GRIN2A: variants seen among roughly 807,000 people sequenced by gnomAD.
The protein encoded by GRIN2A is glutamate ionotropic receptor NMDA type subunit 2A.
Under a neutral mutation model 113.4 loss-of-function variants are expected in GRIN2A, and 22 were observed. The observed-to-expected ratio is 0.19, with a 90% CI of 0.14 to 0.28. The LOEUF (loss-of-function observed/expected upper bound fraction) is 0.28. GRIN2A is among the 10% of genes least tolerant of loss of function. The probability of loss-of-function intolerance (pLI) is 1.00; values close to 1 mark genes in which losing one functional copy is unlikely to be tolerated. For missense variants in GRIN2A, 1,502 were observed against 1,887.0 expected (o/e 0.80, Z 3.78); for synonymous variants, 827 against 738.4 (o/e 1.12, Z -1.94).
intron 2 of GRIN2A, chr16:10,111,790 C>A (rs2048619875): frequency 7.0e-7 from 1 of 1,434,848 alleles, no homozygotes. Flanking sequence ...CAAGATCCGG[C>A]ATGGCTTCTC....
At chr16:10,080,711 C>T (rs535093144) in intron 2 of GRIN2A, among the ~76,000 whole-genome samples, 44 of 152,302 alleles carry the variant, frequency 2.9e-4, no homozygotes, top group African/African-American at 9.9e-4. Context: ...ATATCACCCT[C>T]ACCTTGTATT....
At position 9,761,763 on chromosome 16, in the gene GRIN2A, G is replaced by GGA. The variant is rs1900593207; in HGVS notation, c.*1384_*1385dup. 1 of 212,746 alleles carries GGA rather than the reference G, an allele frequency of 4.7e-6. No homozygotes were observed. Among genetic ancestry groups the GGA allele is most frequent in the Non-Finnish European group, 9.5e-6 (1 of 105,258 alleles). 13.2% of individuals were successfully genotyped at this position (212,746 alleles called of 1,614,324 possible). ...TCATGTCATATATGCACAGGTTTGA[G>GGA]GAGAATAAGAATGGGATAATGCAGG... On this transcript the variant is annotated 3_prime_UTR_variant, in exon 13 of 13. Transcript: ENST00000330684.
At chr16:10,112,069 G>A (rs557869784) in intron 2 of GRIN2A, 7 of 611,426 alleles carry the variant, frequency 1.1e-5, no homozygotes, top group African/African-American at 5.5e-5. Context: ...AAGAAGAATC[G>A]AGACTACATT....
chr16:9,879,842 G>C (rs2043442186), intron 4 of GRIN2A, among the ~76,000 whole-genome samples: 1 of 152,188 alleles, frequency 6.6e-6, no homozygotes, highest in Non-Finnish European at 1.5e-5. Flanking sequence ...AAATGTGAGT[G>C]ATGATTATTT....
At chr16:9,911,914 G>A (rs2044147545) in intron 3 of GRIN2A, among the ~76,000 whole-genome samples, 1 of 152,162 alleles carries the variant, frequency 6.6e-6, no homozygotes, top group Non-Finnish European at 1.5e-5. Flanking sequence ...AGGCATTAAG[G>A]TATTGTGCTT....
At chr16:10,116,776 C>A (rs1395600184) in intron 2 of GRIN2A, among the ~76,000 whole-genome samples, 1 of 152,134 alleles carries the variant, frequency 6.6e-6, no homozygotes, top group Non-Finnish European at 1.5e-5. Context: ...CCCTGAGCAG[C>A]AAAGAAGCCA....
intron 2 of GRIN2A, among the ~76,000 whole-genome samples, chr16:10,098,610 T>C (rs60016073): frequency 0.19 from 28,920 of 152,094 alleles, 3,162 homozygotes; most frequent in African/African-American, 0.3. Flanking sequence ...ATATACACGA[T>C]GGAATAAAAC....
At chr16:9,981,985 G>A (rs1291385971) in intron 2 of GRIN2A, among the ~76,000 whole-genome samples, 4 of 151,862 alleles carry the variant, frequency 2.6e-5, no homozygotes, top group African/African-American at 7.3e-5. Flanking sequence ...CGGGGGTTTC[G>A]CCATGTTGTC....
At chr16:10,178,405 C>T (rs747524505) in intron 2 of GRIN2A, among the ~76,000 whole-genome samples, 11 of 152,206 alleles carry the variant, frequency 7.2e-5, no homozygotes, top group Non-Finnish European at 1.0e-4. Context: ...CTACATCAGC[C>T]ACTATGTGGT....
At chr16:9,937,051 T>C (rs1229332381) in intron 3 of GRIN2A, among the ~76,000 whole-genome samples, 1 of 151,944 alleles carries the variant, frequency 6.6e-6, no homozygotes, top group African/African-American at 2.4e-5. Flanking sequence ...TTATCACAGC[T>C]GTTTAGCTTC....
intron 3 of GRIN2A, among the ~76,000 whole-genome samples, chr16:9,929,723 A>T (rs1048969160): frequency 6.6e-6 from 1 of 152,202 alleles, no homozygotes; most frequent in African/African-American, 2.4e-5. Flanking sequence ...ACATGTCACC[A>T]AATTACTAAA....
intron 2 of GRIN2A, among the ~76,000 whole-genome samples, chr16:10,069,186 C>T (rs1487606551): frequency 2.6e-5 from 4 of 152,048 alleles, no homozygotes; most frequent in African/African-American, 9.7e-5. Flanking sequence ...GCAGGGAGAC[C>T]AGTGGAGGCT....
intron 2 of GRIN2A, among the ~76,000 whole-genome samples, chr16:10,081,308 C>T (rs1037547521): frequency 2.6e-5 from 4 of 152,200 alleles, no homozygotes; most frequent in Non-Finnish European, 5.9e-5. Context: ...TTCTCAAACT[C>T]TGCCTGGAGA....
chr16:9,989,364 T>C (rs937321171), intron 2 of GRIN2A, among the ~76,000 whole-genome samples: 2 of 152,142 alleles, frequency 1.3e-5, no homozygotes, highest in African/African-American at 4.8e-5. Flanking sequence ...TGGACCCCTA[T>C]CTTTTACTAT....
At chr16:9,882,461 G>C (rs531717772) in intron 4 of GRIN2A, among the ~76,000 whole-genome samples, 2 of 152,210 alleles carry the variant, frequency 1.3e-5, no homozygotes, top group East Asian at 3.9e-4. Flanking sequence ...CCCTTAATGA[G>C]ACAAATTGGA....
chr16:10,065,124 C>T (rs555026459), intron 2 of GRIN2A, among the ~76,000 whole-genome samples: 4 of 152,184 alleles, frequency 2.6e-5, no homozygotes, highest in Non-Finnish European at 4.4e-5. Flanking sequence ...ATCTCTGATG[C>T]AATTGGGCAT....
At position 9,950,893 on chromosome 16, in the gene GRIN2A, G is replaced by A. The variant is rs559649897; in HGVS notation, c.415-12342C>T. 5.3e-5 allele frequency among the ~76,000 whole-genome samples: 8 copies of A among 152,240 alleles called. No homozygotes were observed. The South Asian group carries it at 1.5e-3, about 28-fold the overall frequency. On this transcript the variant is annotated intron_variant, in intron 2 of 12. Transcript: ENST00000330684. ...GTTTACTGATTATTTATTGCATTCC[G>A]ATCATTTCTTCCACATTATCTCATT...
At chr16:9,941,919 G>T (rs138681756) in intron 2 of GRIN2A, among the ~76,000 whole-genome samples, 1 of 152,054 alleles carries the variant, frequency 6.6e-6, no homozygotes, top group Non-Finnish European at 1.5e-5. Flanking sequence ...TTCCAGGTTC[G>T]TACAGGTAGA....
rs573755435 is a variant in GRIN2A, at chr16:9,841,828, T to A, written c.1329-724A>T. On this transcript the variant is annotated intron_variant, in intron 5 of 12. Transcript: ENST00000330684. ...GATCAGGTAAAGACCCCATTAAAAT[T>A]TAAACTATCTTAAAGGCTATTGTAT... Among the ~76,000 whole-genome samples, 16 of 152,322 alleles carry A rather than the reference T, an allele frequency of 1.1e-4. No homozygotes were observed. The South Asian group carries it at 3.3e-3, about 32-fold the overall frequency.
Sources: allele counts gnomAD v4.1 joint callset (sites outside exome capture counted in the v4.1 genomes callset), GRCh38; gene constraint gnomAD v4.1.1; transcripts MANE v1.5; gene names NCBI Gene and HGNC (gene_info 2026-07-23, HGNC 2026-07-21).